The following OR5K1 variants were observed in gnomAD, a reference collection of about 807,000 sequenced individuals.
OR5K1 encodes olfactory receptor family 5 subfamily K member 1, also known as olfactory receptor 5K1.
Under a neutral mutation model 10.4 loss-of-function variants are expected in OR5K1, and 7 were observed. The ratio of observed to expected loss-of-function variants is 0.67; its 90% CI spans 0.38 to 1.26. OR5K1 has a LOEUF of 1.26. Ranked by LOEUF, OR5K1 falls within the 50% of genes most tolerant of loss-of-function variation. OR5K1 has a pLI of 0.02. For missense variants in OR5K1, 435 were observed against 366.2 expected (o/e 1.19, Z -1.53); for synonymous variants, 135 against 128.5 (o/e 1.05, Z -0.34).
Position 98,471,988 on chromosome 3 carries a change from C to T in OR5K1, c.*1485C>T, listed in dbSNP as rs1705452896. 1 of 152,026 alleles carries T rather than the reference C, an allele frequency of 6.6e-6. No individual in the cohort carries two copies. The highest frequency in any genetic ancestry group is 1.5e-5 in the Non-Finnish European group (1 of 67,960). The allele number at this position is 152,026 out of a possible 1,614,324, so 9.4% of individuals were successfully genotyped here. Reference sequence around the variant, plus strand: ...CCATCAATTTAGGATTTACCCAACACTACCTACATCCTTCCTTCATCACAT... The same window carrying T: ...CCATCAATTTAGGATTTACCCAACATTACCTACATCCTTCCTTCATCACAT... On this transcript the variant is annotated 3_prime_UTR_variant, in exon 2 of 2. Coordinates refer to ENST00000642057, the MANE Select transcript of OR5K1 (RefSeq NM_001004736.4).
intron 1 of OR5K1, 50 bp from the exon 2 acceptor site, chr3:98,469,516 C>G (rs1474819445): frequency 1.3e-6 from 2 of 1,518,946 alleles, no homozygotes; most frequent in Non-Finnish European, 1.8e-6. Flanking sequence ...ACCTAAATAA[C>G]TGTGGCATAT....
chr3:98,472,069 C>T lies in OR5K1; in HGVS notation c.*1566C>T, dbSNP rs1381308013. ...GCACAGGTGCCAGATTATATATGAGCTCTGTCCAAGCTATGATTCTGTGAG... is the reference window on the plus strand; with the variant it reads ...GCACAGGTGCCAGATTATATATGAGTTCTGTCCAAGCTATGATTCTGTGAG... On this transcript the variant is annotated 3_prime_UTR_variant, in exon 2 of 2. Transcript: ENST00000642057. The T allele has an allele frequency of 3.3e-5, 5 of 151,994 alleles. No individual in the cohort carries two copies. The highest frequency in any genetic ancestry group is 5.9e-5 in the Non-Finnish European group (4 of 67,972). 9.4% of individuals were successfully genotyped at this position (151,994 alleles called of 1,614,324 possible). A position where few individuals can be genotyped will look rare whatever the true frequency, so the allele number is the denominator to read the frequency against.
In OR5K1 at chr3:98,468,939, A is replaced by G. The variant is rs142568267; in HGVS notation, c.-11-627A>G. 5.6e-3 allele frequency among the ~76,000 whole-genome samples: 850 copies of G among 152,208 alleles called. 11 individuals carry two copies. Among genetic ancestry groups the G allele is most frequent in the African/African-American group, 0.019 (792 of 41,542 alleles). Reference sequence around the variant, plus strand: ...TTGTTCTCTGGATCTTTCTGTCAAGACCTCAAAACCCATCTTTGTGAAGAT... The same window carrying G: ...TTGTTCTCTGGATCTTTCTGTCAAGGCCTCAAAACCCATCTTTGTGAAGAT... On this transcript the variant is annotated intron_variant, in intron 1 of 1. Coordinates refer to ENST00000642057, the MANE Select transcript of OR5K1 (RefSeq NM_001004736.4).
At chr3:98,465,837 GT>G (rs1282361903) in intron 1 of OR5K1, among the ~76,000 whole-genome samples, 3 of 150,708 alleles carry the variant, frequency 2.0e-5, no homozygotes, top group African/African-American at 4.9e-5. Flanking sequence ...CCCAGTTTTT[GT>G]TTGATGCTTA....
intron 1 of OR5K1, among the ~76,000 whole-genome samples, chr3:98,469,015 G>A (rs1433726125): frequency 6.6e-6 from 1 of 151,974 alleles, no homozygotes; most frequent in Admixed American, 6.6e-5. Flanking sequence ...CACAATAGCA[G>A]AGACATGGAA....
intron 1 of OR5K1, 81 bp from the exon 2 acceptor site, chr3:98,469,485 T>C: frequency 7.6e-7 from 1 of 1,310,406 alleles, no homozygotes; most frequent in Non-Finnish European, 1.1e-6. Context: ...GAAGATGCTC[T>C]CCTTCCTTTA....
At position 98,472,710 on chromosome 3, in the gene OR5K1, G is replaced by A. The variant is rs1000305541; in HGVS notation, c.*2207G>A. On this transcript the variant is annotated 3_prime_UTR_variant, in exon 2 of 2. Coordinates refer to ENST00000642057, the MANE Select transcript of OR5K1 (RefSeq NM_001004736.4). ...GTATGCTCAGAAATAAAAAAAAAGT[G>A]AGGGATAACACTGTTGTATGGCTCT... The A allele has an allele frequency of 6.6e-6, 1 of 151,920 alleles. No homozygotes were observed. Among genetic ancestry groups the A allele is most frequent in the East Asian group, 1.9e-4 (1 of 5,176 alleles). The allele number at this position is 151,920 out of a possible 1,614,324, so 9.4% of individuals were successfully genotyped here.
Position 98,470,028 on chromosome 3 carries a change from C to A in OR5K1, c.452C>A (p.Ala151Asp), listed in dbSNP as rs1705425700. 6.2e-7 allele frequency: 1 copy of A among 1,613,526 alleles called. No individual in the cohort carries two copies. Among genetic ancestry groups the A allele is most frequent in the Non-Finnish European group, 8.5e-7 (1 of 1,179,758 alleles). Residue 151 changes from alanine to aspartate, a missense_variant, in exon 2 of 2, where the codon GCT becomes GAT. Physicochemically the swap from Ala to Asp is moderately radical, Grantham distance 126. Coordinates refer to ENST00000642057, the MANE Select transcript of OR5K1 (RefSeq NM_001004736.4). ...CIQMTTGAFI[A>D]GNLHSMIHVG... ...CAGATGACCACAGGGGCCTTCATAG[C>A]TGGAAACCTGCATTCCATGATTCAT...
intron 1 of OR5K1, 140 bp from the exon 2 acceptor site, chr3:98,469,426 C>CATGA: frequency 1.4e-6 from 1 of 710,662 alleles, no homozygotes; most frequent in East Asian, 2.7e-5. Flanking sequence ...TCATTCTCCC[C>CATGA]ATGAATGGGG....
At chr3:98,467,222 T>C (rs1329505974) in intron 1 of OR5K1, among the ~76,000 whole-genome samples, 1 of 87,620 alleles carries the variant, frequency 1.1e-5, no homozygotes, top group Non-Finnish European at 2.2e-5. Context: ...ATATGCAGCA[T>C]TATTTCTGAG....
At position 98,471,594 on chromosome 3, in the gene OR5K1, A is replaced by C. The variant is rs911837514; in HGVS notation, c.*1091A>C. ...AGTTACAAAAAATGCCAGTTTTTCC[A>C]TCTTCTCGAAGAATAGAATATTGCC... On this transcript the variant is annotated 3_prime_UTR_variant, in exon 2 of 2. Coordinates refer to ENST00000642057, the MANE Select transcript of OR5K1 (RefSeq NM_001004736.4). 1 of 151,972 alleles carries C rather than the reference A, an allele frequency of 6.6e-6. No individual in the cohort carries two copies. The highest frequency in any genetic ancestry group is 2.4e-5 in the African/African-American group (1 of 41,384). The allele number at this position is 151,972 out of a possible 1,614,324, so 9.4% of individuals were successfully genotyped here.
intron 1 of OR5K1, among the ~76,000 whole-genome samples, chr3:98,464,549 G>A (rs1705349205): frequency 6.6e-6 from 1 of 152,096 alleles, no homozygotes; most frequent in South Asian, 2.1e-4. Context: ...AAGTAACAAA[G>A]ATAAATAAGG....
chr3:98,468,692 A>G (rs1471146095), intron 1 of OR5K1, among the ~76,000 whole-genome samples: 2 of 152,122 alleles, frequency 1.3e-5, no homozygotes, highest in Non-Finnish European at 2.9e-5. Flanking sequence ...CATTATATGT[A>G]TATACCACCA....
chr3:98,463,938 C>T (rs887550693), intron 1 of OR5K1, among the ~76,000 whole-genome samples: 6 of 152,030 alleles, frequency 3.9e-5, no homozygotes, highest in Non-Finnish European at 8.8e-5. Flanking sequence ...AAGTTTCAAA[C>T]GTTATTTTAA....
In OR5K1 at chr3:98,470,546, T is replaced by A; in HGVS notation, c.*43T>A. On this transcript the variant is annotated 3_prime_UTR_variant, in exon 2 of 2. Transcript: ENST00000642057. Reference sequence around the variant, plus strand: ...ACAAGTGACATCTACTATAGCTTAATGATTTAAATGCAGCAAAAACTTCCA... The same window carrying A: ...ACAAGTGACATCTACTATAGCTTAAAGATTTAAATGCAGCAAAAACTTCCA... The A allele has an allele frequency of 8.4e-7, 1 of 1,191,574 alleles. No homozygotes were observed. The highest frequency in any genetic ancestry group is 1.2e-6 in the Non-Finnish European group (1 of 841,338). 73.8% of individuals were successfully genotyped at this position (1,191,574 alleles called of 1,614,324 possible). A position where few individuals can be genotyped will look rare whatever the true frequency, so the allele number is the denominator to read the frequency against.
rs1466424234 is a variant in OR5K1 at position 98,469,939 on chromosome 3, C to T, written c.363C>T (p.Asp121=). The T allele has an allele frequency of 6.2e-7, 1 of 1,613,754 alleles. No homozygotes were observed. Residue 121 remains aspartate, a synonymous_variant, in exon 2 of 2, where the codon GAC becomes GAT. Transcript: ENST00000642057. ...TTCTTCTGGCAGCAATGGCCTATGA[C>T]CGCTATGTGGCCATATGCAACCCAC... is the stretch of plus-strand genomic sequence containing the variant. The part of the protein sequence containing the change: ...DCFLLAAMAY[D]RYVAICNPLQ...
Position 98,470,653 on chromosome 3 carries a change from G to A in OR5K1, c.*150G>A. On this transcript the variant is annotated 3_prime_UTR_variant, in exon 2 of 2. Transcript: ENST00000642057. The stretch of plus-strand genomic sequence containing the variant: ...ATACATTCAAATTAAGTGGCAAGAG[G>A]TAAGGGTAGAATATACAAAAAAGAG... 1 of 517,558 alleles carries A rather than the reference G, an allele frequency of 1.9e-6. No individual in the cohort carries two copies. The highest frequency in any genetic ancestry group is 3.4e-6 in the Non-Finnish European group (1 of 291,220). 32.1% of individuals were successfully genotyped at this position (517,558 alleles called of 1,614,324 possible). A position where few individuals can be genotyped will look rare whatever the true frequency, so the allele number is the denominator to read the frequency against.
At chr3:98,465,645 C>T (rs1705362847) in intron 1 of OR5K1, among the ~76,000 whole-genome samples, 1 of 151,846 alleles carries the variant, frequency 6.6e-6, no homozygotes, top group African/African-American at 2.4e-5. Flanking sequence ...TAAATATAGC[C>T]TCATAGCTAT....
chr3:98,468,412 C>G (rs1705400171), intron 1 of OR5K1, among the ~76,000 whole-genome samples: 2 of 152,008 alleles, frequency 1.3e-5, no homozygotes, highest in Non-Finnish European at 2.9e-5. Flanking sequence ...TGTATTAATA[C>G]AGCCATCACC....
Sources: gnomAD v4.1 joint callset for allele counts (sites outside exome capture counted in the v4.1 genomes callset) on GRCh38, gnomAD v4.1.1 for gene constraint, MANE v1.5 for transcripts, NCBI Gene and HGNC (gene_info 2026-07-23, HGNC 2026-07-21) for gene names.